TLR2: variants seen among roughly 807,000 people sequenced by gnomAD.
TLR2 encodes toll-like receptor 2.
Under a neutral mutation model 9.1 loss-of-function variants are expected in TLR2, and 7 were observed. That is an observed-to-expected ratio of 0.77 (90% CI 0.44 to 1.44). The LOEUF (loss-of-function observed/expected upper bound fraction) is 1.44, where lower values mean the gene tolerates loss of function less well. TLR2 is among the 40% of genes most tolerant of loss of function. TLR2 has a pLI of 0.01. For missense variants in TLR2, 812 were observed against 904.6 expected (o/e 0.90, Z 1.31); for synonymous variants, 317 against 344.6 (o/e 0.92, Z 0.89).
chr4:153,708,222 C>T (rs1373077502), downstream of TLR2, among the ~76,000 whole-genome samples: 1 of 152,078 alleles, frequency 6.6e-6, no homozygotes, highest in Non-Finnish European at 1.5e-5. Flanking sequence ...GCTTATTTGC[C>T]GAGAGTTCTA....
intron 2 of TLR2, chr4:153,701,491 T>A (rs1736885025): frequency 6.6e-6 from 1 of 152,158 alleles, no homozygotes; most frequent in Non-Finnish European, 1.5e-5. Context: ...CTCTGGTATT[T>A]TGTTACAGAA....
At chr4:153,700,032 A>G (rs906291065) in intron 2 of TLR2, among the ~76,000 whole-genome samples, 1 of 152,154 alleles carries the variant, frequency 6.6e-6, no homozygotes, top group Admixed American at 6.5e-5. Context: ...GCCTTTACTC[A>G]TGGTGGAAGA....
Position 153,704,022 on chromosome 4 carries a change from T to C in TLR2, c.1115T>C (p.Met372Thr). Residue 372 changes from methionine to threonine, a missense_variant, in exon 3 of 3, where the codon ATG (methionine) becomes ACG (threonine). Coordinates refer to ENST00000642700, the MANE Select transcript of TLR2 (RefSeq NM_001318789.2). ...LEYLDLSENLMVEEYLKNSAC... is the reference protein window; with the variant it reads ...LEYLDLSENLTVEEYLKNSAC... ...TACTTGGATCTCAGTGAAAATTTGA[T>C]GGTTGAAGAATACTTGAAAAATTCA... 3.7e-6 allele frequency: 6 copies of C among 1,614,050 alleles called. No individual in the cohort carries two copies. The highest frequency in any genetic ancestry group is 4.2e-6 in the Non-Finnish European group (5 of 1,180,008).
In TLR2 at chr4:153,705,220, G is replaced by A; in HGVS notation, c.2313G>A (p.Arg771=). 1 of 1,602,892 alleles carries A rather than the reference G, an allele frequency of 6.2e-7. No individual in the cohort carries two copies. The part of the protein sequence containing the change: ...YLEWPMDEAQ[R]EGFWVNLRAA... ...AGTGGCCCATGGACGAGGCTCAGCG[G>A]GAAGGATTTTGGGTAAATCTGAGAG... The change falls in exon 3 of 3, where the codon CGG becomes CGA. Residue 771 remains arginine (R), a synonymous_variant. Transcript: ENST00000642700.
At chr4:153,710,126 A>G, downstream of TLR2, 1 of 367,746 alleles carries the variant, frequency 2.7e-6, no homozygotes, top group Non-Finnish European at 5.0e-6. Flanking sequence ...GCAGTGTAAC[A>G]AATGTGACAT....
At chr4:153,692,923 AC>A (rs1410778083) in intron 2 of TLR2, among the ~76,000 whole-genome samples, 6 of 152,326 alleles carry the variant, frequency 3.9e-5, no homozygotes, top group Non-Finnish European at 8.8e-5. Context: ...TCCTGTATCT[AC>A]CAAACTTTTA....
Position 153,704,520 on chromosome 4 carries a change from C to G in TLR2, c.1613C>G (p.Ser538Cys). The G allele has an allele frequency of 1.2e-6, 2 of 1,613,972 alleles. No homozygotes were observed. Among genetic ancestry groups the G allele is most frequent in the East Asian group, 4.5e-5 (2 of 44,882 alleles). Residue 538 changes from serine to cysteine, a missense_variant, in exon 3 of 3, where the codon TCC becomes TGC. By Grantham distance (112) the Ser-to-Cys change is moderately radical. Coordinates refer to ENST00000642700, the MANE Select transcript of TLR2 (RefSeq NM_001318789.2). ...LEAGGNNFIC[S>C]CEFLSFTQEQ... The stretch of plus-strand genomic sequence containing the variant: ...GCTGGTGGCAATAACTTCATTTGCT[C>G]CTGTGAATTCCTCTCCTTCACTCAG...
chr4:153,694,172 G>A (rs1736325784), intron 2 of TLR2, among the ~76,000 whole-genome samples: 1 of 152,220 alleles, frequency 6.6e-6, no homozygotes, highest in African/African-American at 2.4e-5. Context: ...AAAGCGATGG[G>A]CTCTGGCTAG....
intron 2 of TLR2, among the ~76,000 whole-genome samples, chr4:153,696,511 G>A (rs1171760886): frequency 6.6e-6 from 1 of 152,088 alleles, no homozygotes; most frequent in Non-Finnish European, 1.5e-5. Context: ...TTCACTGTTG[G>A]CATATACAAA....
intron 1 of TLR2, among the ~76,000 whole-genome samples, chr4:153,687,134 T>C (rs1735761189): frequency 1.3e-5 from 2 of 152,142 alleles, no homozygotes; most frequent in South Asian, 2.1e-4. Flanking sequence ...TAATGACTTA[T>C]GAAAAAAATT....
chr4:153,686,749 A>G (rs1199629375), intron 1 of TLR2, among the ~76,000 whole-genome samples: 1 of 152,214 alleles, frequency 6.6e-6, no homozygotes, highest in Non-Finnish European at 1.5e-5. Flanking sequence ...TAGAAAATTC[A>G]TAGAAAAATC....
At chr4:153,692,729 T>G (rs1057056083) in intron 2 of TLR2, among the ~76,000 whole-genome samples, 7 of 152,182 alleles carry the variant, frequency 4.6e-5, no homozygotes, top group African/African-American at 1.2e-4. Flanking sequence ...CCCTATAAAT[T>G]TATAGGTACA....
chr4:153,710,571 CA>C, downstream of TLR2: 1 of 1,320,134 alleles, frequency 7.6e-7, no homozygotes, highest in Non-Finnish European at 1.1e-6. Context: ...ATATAATAAA[CA>C]ATGTAATGAA....
intron 1 of TLR2, among the ~76,000 whole-genome samples, chr4:153,685,354 T>C (rs1203545239): frequency 6.6e-6 from 1 of 151,874 alleles, no homozygotes; most frequent in African/African-American, 2.4e-5. Flanking sequence ...TGATTGGAAG[T>C]GGTGGGTGGG....
chr4:153,705,139 C>T lies in TLR2; in HGVS notation c.2232C>T (p.Ala744=). 6.2e-7 allele frequency: 1 copy of T among 1,614,106 alleles called. No individual in the cohort carries two copies. ...TTCTGGAGCCCATTGAGAAAAAAGC[C>T]ATTCCCCAGCGCTTCTGCAAGCTGC... ...LILLEPIEKK[A]IPQRFCKLRK... is the part of the protein sequence containing the mutation. The change falls in exon 3 of 3, where the codon GCC becomes GCT. Residue 744 remains alanine (A), a synonymous_variant. Coordinates refer to ENST00000642700, the MANE Select transcript of TLR2 (RefSeq NM_001318789.2).
At chr4:153,690,152 C>T (rs1030802754) in intron 2 of TLR2, among the ~76,000 whole-genome samples, 1 of 152,224 alleles carries the variant, frequency 6.6e-6, no homozygotes, top group Non-Finnish European at 1.5e-5. Context: ...AGTTGTTCTG[C>T]TTCTGTTTTT....
intron 2 of TLR2, among the ~76,000 whole-genome samples, chr4:153,697,898 G>A (rs375986906): frequency 2.4e-4 from 36 of 152,114 alleles, no homozygotes; most frequent in African/African-American, 7.7e-4. Flanking sequence ...TCTAATTATC[G>A]TGAAATATTA....
intron 2 of TLR2, among the ~76,000 whole-genome samples, chr4:153,694,755 G>T (rs754330549): frequency 2.6e-5 from 4 of 152,086 alleles, no homozygotes; most frequent in Non-Finnish European, 5.9e-5. Context: ...TGCTATCAAA[G>T]AATAAATCTT....
At chr4:153,689,461 A>G (rs1292281131) in intron 2 of TLR2, among the ~76,000 whole-genome samples, 2 of 152,202 alleles carry the variant, frequency 1.3e-5, no homozygotes, top group African/African-American at 4.8e-5. Flanking sequence ...TAGGGGACCA[A>G]TCAATAATGA....
Sources: gnomAD v4.1 joint callset for allele counts (sites outside exome capture counted in the v4.1 genomes callset) on GRCh38, gnomAD v4.1.1 for gene constraint, MANE v1.5 for transcripts, NCBI Gene and HGNC (gene_info 2026-07-23, HGNC 2026-07-21) for gene names.